Variants in PRKN observed in about 807,000 individuals in gnomAD.
PRKN encodes the protein E3 ubiquitin-protein ligase parkin.
PRKN carries 56 observed loss-of-function variants against 59.5 expected under a neutral mutation model. That is an observed-to-expected ratio of 0.94 (90% confidence interval 0.76 to 1.18). The LOEUF (loss-of-function observed/expected upper bound fraction) is 1.18. Among genes scored for constraint, PRKN ranks in the 50% most tolerant of loss-of-function variants. PRKN has a pLI of 0.00. For synonymous variants in PRKN, 250 were observed against 222.1 expected (o/e 1.13, Z -1.12); for missense variants, 657 against 596.4 (o/e 1.10, Z -1.06).
intron 5 of PRKN, among the ~76,000 whole-genome samples, chr6:162,002,019 A>T (rs971887465): frequency 1.3e-5 from 2 of 151,652 alleles, no homozygotes; most frequent in Non-Finnish European, 2.9e-5. Flanking sequence ...CATAGATCTC[A>T]GTTGGCTGCA....
chr6:162,161,544 G>A (rs554958743), intron 4 of PRKN, among the ~76,000 whole-genome samples: 4 of 152,314 alleles, frequency 2.6e-5, no homozygotes, highest in Middle Eastern at 3.4e-3. Flanking sequence ...ACGCCACCTT[G>A]CTCTGTCCTG....
At chr6:162,165,026 G>T (rs1782916495) in intron 4 of PRKN, among the ~76,000 whole-genome samples, 1 of 147,826 alleles carries the variant, frequency 6.8e-6, no homozygotes, top group Non-Finnish European at 1.5e-5. Flanking sequence ...ATAGAAACAG[G>T]CTTATTTGGA....
intron 5 of PRKN, among the ~76,000 whole-genome samples, chr6:162,036,217 G>A (rs1443602626): frequency 6.6e-6 from 1 of 151,420 alleles, no homozygotes; most frequent in Admixed American, 6.6e-5. Flanking sequence ...CCAGCTACTC[G>A]GGAGGCTGCG....
At position 162,569,452 on chromosome 6, in the gene PRKN, G is replaced by A. The variant is rs577564239; in HGVS notation, c.8-125979C>T. The A allele has an allele frequency of 9.5e-5, 65 of 687,754 alleles. 1 individual carries two copies. The highest frequency in any genetic ancestry group is 8.7e-4 in the South Asian group (64 of 73,430). 42.6% of individuals were successfully genotyped at this position (687,754 alleles called of 1,614,324 possible). A position where few individuals can be genotyped will look rare whatever the true frequency, so the allele number is the denominator to read the frequency against. ...TGGACATCGAGATTGCCACCTACAGGAAGCTGCTGGAGAGTGAGGAGAGCC... is the reference window on the plus strand; with the variant it reads ...TGGACATCGAGATTGCCACCTACAGAAAGCTGCTGGAGAGTGAGGAGAGCC... On this transcript the variant is annotated intron_variant, in intron 1 of 11. Coordinates refer to ENST00000366898, the MANE Select transcript of PRKN (RefSeq NM_004562.3).
At chr6:162,035,147 G>A (rs1028909981) in intron 5 of PRKN, among the ~76,000 whole-genome samples, 2 of 134,460 alleles carry the variant, frequency 1.5e-5, no homozygotes, top group African/African-American at 6.3e-5. Context: ...AGAGGAAAGG[G>A]GCCCAGGCCA....
chr6:162,098,565 A>G (rs568113199), intron 4 of PRKN, among the ~76,000 whole-genome samples: 17 of 152,274 alleles, frequency 1.1e-4, no homozygotes, highest in African/African-American at 4.1e-4. Context: ...CAATATCTTC[A>G]TCAACATTTA....
At chr6:162,402,485 TC>T (rs1472003301) in intron 2 of PRKN, among the ~76,000 whole-genome samples, 4 of 152,000 alleles carry the variant, frequency 2.6e-5, no homozygotes, top group Non-Finnish European at 5.9e-5. Context: ...TCTTGAGGGC[TC>T]TTAGCTTAAT....
At chr6:162,664,332 T>C (rs902590396) in intron 1 of PRKN, among the ~76,000 whole-genome samples, 3 of 152,210 alleles carry the variant, frequency 2.0e-5, no homozygotes, top group Non-Finnish European at 4.4e-5. Flanking sequence ...TTTGCTATTG[T>C]GAACAGTGCC....
At chr6:162,256,113 AAATT>A (rs1343940566) in intron 3 of PRKN, among the ~76,000 whole-genome samples, 1 of 152,182 alleles carries the variant, frequency 6.6e-6, no homozygotes, top group Non-Finnish European at 1.5e-5. Context: ...ATCATTTGGA[AAATT>A]AATTATAGTC....
At chr6:161,749,120 G>C (rs1011613742) in intron 7 of PRKN, among the ~76,000 whole-genome samples, 1 of 152,138 alleles carries the variant, frequency 6.6e-6, no homozygotes, top group Admixed American at 6.5e-5. Flanking sequence ...GGGCAAGCAG[G>C]TACGCCTAAG....
intron 2 of PRKN, among the ~76,000 whole-genome samples, chr6:162,298,572 A>C (rs1277506914): frequency 6.6e-6 from 1 of 151,968 alleles, no homozygotes. Flanking sequence ...TTTCCCCCTC[A>C]GGATGACATA....
chr6:162,024,904 A>G (rs528601875), intron 5 of PRKN, among the ~76,000 whole-genome samples: 1 of 152,270 alleles, frequency 6.6e-6, no homozygotes, highest in African/African-American at 2.4e-5. Context: ...GTTTATAGTC[A>G]GCACGTGCAC....
intron 5 of PRKN, among the ~76,000 whole-genome samples, chr6:162,049,709 A>T (rs1026868727): frequency 2.0e-5 from 3 of 152,078 alleles, no homozygotes; most frequent in African/African-American, 7.2e-5. Flanking sequence ...CTTAACATTG[A>T]CTCAGTGATT....
intron 5 of PRKN, among the ~76,000 whole-genome samples, chr6:162,008,319 T>C (rs1178190070): frequency 6.6e-6 from 1 of 152,166 alleles, no homozygotes; most frequent in East Asian, 1.9e-4. Flanking sequence ...ATTCTCCACC[T>C]GCTTCGTGCC....
intron 1 of PRKN, among the ~76,000 whole-genome samples, chr6:162,693,664 T>C (rs1243801170): frequency 6.6e-6 from 1 of 152,196 alleles, no homozygotes; most frequent in East Asian, 1.9e-4. Context: ...ACTTGGGTTA[T>C]GGGCACAAAG....
intron 4 of PRKN, among the ~76,000 whole-genome samples, chr6:162,088,535 T>G (rs2128295497): frequency 6.6e-6 from 1 of 152,260 alleles, no homozygotes; most frequent in South Asian, 2.1e-4. Flanking sequence ...GTGTATTTGT[T>G]TAGGAAATGA....
In PRKN at chr6:161,545,533, T is replaced by G; in HGVS notation, c.1083+3321A>C. On this transcript the variant is annotated intron_variant, in intron 9 of 11. Coordinates refer to ENST00000366898, the MANE Select transcript of PRKN (RefSeq NM_004562.3). The surrounding 1 kb of genome is among the most constrained non-coding windows in gnomAD (Gnocchi z 4.1). ...TGAAATGACATAATCTAACCACAAT[T>G]TCTTCCAGACAATGGCTTTCCATTA... 2.2e-6 allele frequency: 2 copies of G among 905,338 alleles called. No homozygotes were observed. The highest frequency in any genetic ancestry group is 2.5e-5 in the East Asian group (1 of 40,028). 56.1% of individuals were successfully genotyped at this position (905,338 alleles called of 1,614,324 possible).
chr6:161,431,041 A>T (rs999354095), intron 9 of PRKN, among the ~76,000 whole-genome samples: 1 of 151,566 alleles, frequency 6.6e-6, no homozygotes, highest in Non-Finnish European at 1.5e-5. Context: ...CAGGAGGTTG[A>T]GACAGGAGAA....
intron 7 of PRKN, among the ~76,000 whole-genome samples, chr6:161,703,408 C>T: frequency 6.6e-6 from 1 of 152,142 alleles, no homozygotes; most frequent in Non-Finnish European, 1.5e-5. Context: ...ATTAGTGAAA[C>T]ATAAGTTAAA....
Sources: gnomAD v4.1 joint callset for allele counts (sites outside exome capture counted in the v4.1 genomes callset) on GRCh38, gnomAD v4.1.1 for gene constraint, Gnocchi (gnomAD v3.1) non-coding constraint, MANE v1.5 for transcripts, NCBI Gene and HGNC (gene_info 2026-07-23, HGNC 2026-07-21) for gene names.